Variants in RADX observed in about 807,000 individuals in gnomAD.
RADX encodes the protein RPA-related protein RADX.
In RADX, 36 loss-of-function variants were observed where a neutral mutation model predicts 61.6. The ratio of observed to expected loss-of-function variants is 0.58; its 90% CI spans 0.45 to 0.77. The LOEUF is 0.77. RADX is among the 30% of genes least tolerant of loss of function. The pLI is 0.00. For synonymous variants in RADX, 272 were observed against 237.9 expected (o/e 1.14, Z -1.32); for missense variants, 497 against 651.1 (o/e 0.76, Z 2.58).
At chrX:106,672,804 G>C (rs766774114) in intron 13 of RADX, among the ~76,000 whole-genome samples, 1 of 111,751 alleles carries the variant, frequency 8.9e-6, no homozygotes, top group Non-Finnish European at 1.9e-5. Flanking sequence ...CGTCTACCTG[G>C]TATTGTATTG....
At chrX:106,657,707 G>A (rs1603055184) in intron 11 of RADX, among the ~76,000 whole-genome samples, 2 of 111,340 alleles carry the variant, frequency 1.8e-5, no homozygotes, top group Middle Eastern at 9.2e-3. Context: ...CAGGGAAATG[G>A]CCAGTAATTG....
intron 7 of RADX, 47 bp downstream of exon 7, chrX:106,636,694 C>T: frequency 1.4e-6 from 1 of 725,429 alleles, no homozygotes; most frequent in South Asian, 2.9e-5. Flanking sequence ...TTTTCTCTTC[C>T]CTAGAATCCT....
intron 12 of RADX, among the ~76,000 whole-genome samples, chrX:106,666,765 C>T (rs1277496754): frequency 8.9e-6 from 1 of 111,804 alleles, no homozygotes; most frequent in African/African-American, 3.3e-5. Flanking sequence ...CCAAAAAATA[C>T]TTTGACAAAA....
intron 3 of RADX, among the ~76,000 whole-genome samples, chrX:106,625,916 CAA>C (rs1248117559): frequency 9.0e-6 from 1 of 111,110 alleles, no homozygotes; most frequent in African/African-American, 3.3e-5. Context: ...TTTCTAATAA[CAA>C]GAGCATTCTA....
intron 1 of RADX, among the ~76,000 whole-genome samples, chrX:106,620,511 A>G (rs1416082443): frequency 9.1e-6 from 1 of 109,919 alleles, no homozygotes; most frequent in Non-Finnish European, 1.9e-5. Flanking sequence ...CGTCTCTACT[A>G]AAAAATACAA....
At chrX:106,643,816 A>G (rs1349142190) in intron 10 of RADX, among the ~76,000 whole-genome samples, 1 of 111,731 alleles carries the variant, frequency 9.0e-6, no homozygotes, top group Non-Finnish European at 1.9e-5. Flanking sequence ...TCTGTGAAGA[A>G]TGTCATTGGT....
At chrX:106,612,835 G>A in intron 1 of RADX, 112 bp downstream of exon 1, 1 of 761,566 alleles carries the variant, frequency 1.3e-6, no homozygotes, top group Non-Finnish European at 1.8e-6. Flanking sequence ...CAAGCCAGGA[G>A]TGGTAGGTAG....
intron 4 of RADX, 31 bp downstream of exon 4, chrX:106,632,764 T>A (rs1169080616): frequency 1.9e-6 from 2 of 1,037,689 alleles, no homozygotes; most frequent in African/African-American, 3.7e-5. Context: ...ATGTCTTAAA[T>A]ATTAATCTTC....
At chrX:106,646,322 G>A (rs1012817520) in intron 10 of RADX, among the ~76,000 whole-genome samples, 3 of 110,427 alleles carry the variant, frequency 2.7e-5, no homozygotes, top group Admixed American at 1.9e-4. Context: ...GAATTTTGTG[G>A]GACCAGAGGG....
intron 3 of RADX, among the ~76,000 whole-genome samples, chrX:106,626,272 A>G (rs1927072546): frequency 8.9e-6 from 1 of 111,933 alleles, no homozygotes. Flanking sequence ...AAGCTTAATT[A>G]CTTAGAGAAT....
At chrX:106,671,618 G>A (rs1033456744) in intron 13 of RADX, among the ~76,000 whole-genome samples, 6 of 111,615 alleles carry the variant, frequency 5.4e-5, no homozygotes, top group African/African-American at 2.0e-4. Flanking sequence ...AAATGGTGAT[G>A]CTAATTTACA....
chrX:106,617,861 A>G (rs1372339938), intron 1 of RADX, among the ~76,000 whole-genome samples: 1 of 112,064 alleles, frequency 8.9e-6, no homozygotes, highest in Non-Finnish European at 1.9e-5. Context: ...GGAATTGGAG[A>G]CAAATAAGCA....
chrX:106,640,530 T>G lies in RADX; in HGVS notation c.1735-22T>G, dbSNP rs201174328. 6 of 1,103,077 alleles carry G rather than the reference T, an allele frequency of 5.4e-6. No homozygotes were observed. The South Asian group carries it at 1.4e-4, about 25-fold the overall frequency. The allele number at this position is 1,103,077 out of a possible 1,213,427, so 90.9% of individuals were successfully genotyped here. A position where few individuals can be genotyped will look rare whatever the true frequency, so the allele number is the denominator to read the frequency against. ...TAATTGTGAATTAGCCTAAAGTGTT[T>G]TCTCTAAATTATTGGTTTTAGAATG... On this transcript the variant is annotated intron_variant, in intron 9 of 13. Coordinates refer to ENST00000372548, the MANE Select transcript of RADX (RefSeq NM_018015.6).
intron 8 of RADX, 155 bp downstream of exon 8, chrX:106,638,079 A>G (rs756234142): frequency 2.2e-6 from 1 of 445,157 alleles, no homozygotes; most frequent in Admixed American, 4.1e-5. Flanking sequence ...ATGCAGATCT[A>G]AAAATATATG....
chrX:106,612,719 T>C lies in RADX; in HGVS notation c.639T>C (p.Phe213=), dbSNP rs757821858. ...LTDKQPEEHN[F]SDTKIISLSH... is the part of the protein sequence containing the mutation. ...ACAAGCAACCTGAGGAACACAACTTTAGCGGTAAGTGTTTGGAAAGAACGG... is the reference window on the plus strand; with the variant it reads ...ACAAGCAACCTGAGGAACACAACTTCAGCGGTAAGTGTTTGGAAAGAACGG... The change falls in exon 1 of 14, where the codon TTT becomes TTC. Residue 213 remains phenylalanine, a synonymous_variant. Transcript: ENST00000372548. 4.2e-6 allele frequency: 5 copies of C among 1,185,738 alleles called. No individual in the cohort carries two copies. Among genetic ancestry groups the C allele is most frequent in the Non-Finnish European group, 5.6e-6 (5 of 885,934 alleles).
chrX:106,620,710 A>G (rs988174106), intron 1 of RADX, among the ~76,000 whole-genome samples: 3 of 111,765 alleles, frequency 2.7e-5, no homozygotes, highest in Admixed American at 1.9e-4. Flanking sequence ...AAGATCTTCA[A>G]TAATTTTTAA....
At chrX:106,616,129 G>C (rs1168741603) in intron 1 of RADX, among the ~76,000 whole-genome samples, 1 of 111,129 alleles carries the variant, frequency 9.0e-6, no homozygotes, top group Non-Finnish European at 1.9e-5. Flanking sequence ...ATTTCTTTTA[G>C]AAAAAGTGAT....
intron 1 of RADX, among the ~76,000 whole-genome samples, chrX:106,615,136 G>A (rs1292989298): frequency 8.9e-6 from 1 of 112,110 alleles, no homozygotes; most frequent in Non-Finnish European, 1.9e-5. Context: ...CTCTACCGGG[G>A]TCTGGAAGGC....
intron 11 of RADX, among the ~76,000 whole-genome samples, chrX:106,655,395 G>A (rs1453466148): frequency 8.4e-5 from 9 of 107,030 alleles, no homozygotes; most frequent in African/African-American, 3.1e-4. Flanking sequence ...ACAATGTGCA[G>A]GTTTGTTACA....
Sources: allele counts gnomAD v4.1 joint callset (sites outside exome capture counted in the v4.1 genomes callset), GRCh38; gene constraint gnomAD v4.1.1; transcripts MANE v1.5; gene names NCBI Gene and HGNC (gene_info 2026-07-23, HGNC 2026-07-21).